MAGI2: variants seen among roughly 807,000 people sequenced by gnomAD.
MAGI2 encodes membrane associated guanylate kinase, WW and PDZ domain containing 2.
In MAGI2, 35 loss-of-function variants were observed where a neutral mutation model predicts 133.3. That is an observed-to-expected ratio of 0.26 (90% CI 0.20 to 0.35). The LOEUF is 0.35. Among genes scored for constraint, MAGI2 ranks in the 10% least tolerant of loss-of-function variants. MAGI2 has a pLI of 1.00. For missense variants in MAGI2, 1,636 were observed against 1,863.4 expected, an observed-to-expected ratio of 0.88 and a Z score of 2.25; for synonymous variants, 729 against 710.6, an observed-to-expected ratio of 1.03 and a Z score of -0.41.
At chr7:79,361,988 G>A (rs860246) in intron 1 of MAGI2, among the ~76,000 whole-genome samples, 53,752 of 151,758 alleles carry the variant, frequency 0.35, 10,762 homozygotes, top group African/African-American at 0.55. Context: ...AAAAGTCTCA[G>A]GTCAATAGTA....
At chr7:79,134,102 A>G (rs1051759501) in intron 1 of MAGI2, among the ~76,000 whole-genome samples, 2 of 152,182 alleles carry the variant, frequency 1.3e-5, no homozygotes, top group African/African-American at 4.8e-5. Context: ...CAAATGATTA[A>G]AGTTAAAATC....
chr7:78,867,819 G>A (rs960262296), intron 2 of MAGI2, among the ~76,000 whole-genome samples: 21 of 152,026 alleles, frequency 1.4e-4, no homozygotes, highest in South Asian at 4.2e-4. Context: ...CTTGGGATGC[G>A]GAGAAGGCAG....
At chr7:79,421,852 T>C (rs890218165) in intron 1 of MAGI2, among the ~76,000 whole-genome samples, 1 of 152,058 alleles carries the variant, frequency 6.6e-6, no homozygotes, top group African/African-American at 2.4e-5. Context: ...CATATGTCAT[T>C]TATAAATTTT....
intron 1 of MAGI2, among the ~76,000 whole-genome samples, chr7:79,159,297 T>C (rs947845573): frequency 1.2e-4 from 18 of 152,102 alleles, no homozygotes; most frequent in African/African-American, 4.3e-4. Flanking sequence ...GAGGATCACC[T>C]GAGGTCAGGA....
chr7:78,760,517 C>T (rs12536030), intron 2 of MAGI2, among the ~76,000 whole-genome samples: 5,355 of 152,114 alleles, frequency 0.035, 136 homozygotes, highest in Non-Finnish European at 0.047. Context: ...TATGCACCAC[C>T]GTACCTGGCT....
chr7:79,089,150 A>G (rs1272789654), intron 1 of MAGI2, among the ~76,000 whole-genome samples: 1 of 152,156 alleles, frequency 6.6e-6, no homozygotes, highest in Non-Finnish European at 1.5e-5. Context: ...AAAGGATATG[A>G]ACAGACACTT....
At chr7:78,119,557 C>CAAAAAAA (rs1166809821) in intron 20 of MAGI2, among the ~76,000 whole-genome samples, 4 of 48,916 alleles carry the variant, frequency 8.2e-5, no homozygotes, top group Admixed American at 3.1e-4. Flanking sequence ...TGAGACTCCT[C>CAAAAAAA]AAAAAAAAAA....
At chr7:78,404,101 C>T (rs1797153085) in intron 6 of MAGI2, among the ~76,000 whole-genome samples, 1 of 152,106 alleles carries the variant, frequency 6.6e-6, no homozygotes, top group Non-Finnish European at 1.5e-5. Flanking sequence ...AGGAATCCCA[C>T]TTACAAGGAT....
chr7:79,052,613 T>A (rs1327268494), intron 1 of MAGI2, among the ~76,000 whole-genome samples: 1 of 152,166 alleles, frequency 6.6e-6, no homozygotes, highest in Non-Finnish European at 1.5e-5. Context: ...CTGACAAAAC[T>A]ATGATTCCGT....
intron 1 of MAGI2, among the ~76,000 whole-genome samples, chr7:79,230,271 T>A (rs1379246061): frequency 6.6e-6 from 1 of 151,558 alleles, no homozygotes; most frequent in African/African-American, 2.4e-5. Flanking sequence ...TGTGTCTTTA[T>A]AGCAGCATGA....
At chr7:79,331,989 T>G (rs1426942950) in intron 1 of MAGI2, among the ~76,000 whole-genome samples, 1 of 152,090 alleles carries the variant, frequency 6.6e-6, no homozygotes, top group African/African-American at 2.4e-5. Flanking sequence ...CTTTGGAAAT[T>G]GGTCATCTAG....
At chr7:79,028,249 ATATATATATATATATATATGTATG>A (rs1810138308) in intron 1 of MAGI2, among the ~76,000 whole-genome samples, 1 of 28,732 alleles carries the variant, frequency 3.5e-5, no homozygotes, top group Non-Finnish European at 8.1e-5. Context: ...ATATATATAT[ATATATATATATATATATATGTATG>A]TATGTATATA....
chr7:78,836,626 CATTT>C (rs1181163285), intron 2 of MAGI2, among the ~76,000 whole-genome samples: 2 of 151,958 alleles, frequency 1.3e-5, no homozygotes, highest in Non-Finnish European at 2.9e-5. Flanking sequence ...GAGAAATCAC[CATTT>C]GTTTTACAAC....
chr7:78,625,947 C>T (rs1289652379), intron 3 of MAGI2, among the ~76,000 whole-genome samples: 1 of 152,274 alleles, frequency 6.6e-6, no homozygotes, highest in South Asian at 2.1e-4. Context: ...ATGATATTCA[C>T]TCAATGATGA....
At chr7:78,263,736 T>A (rs1793736916) in intron 9 of MAGI2, among the ~76,000 whole-genome samples, 1 of 152,094 alleles carries the variant, frequency 6.6e-6, no homozygotes, top group African/African-American at 2.4e-5. Flanking sequence ...TACCATACAC[T>A]CTAATGCCCT....
Position 78,132,619 on chromosome 7 carries a change from T to C in MAGI2, c.3203+270A>G, listed in dbSNP as rs117818431. Among the ~76,000 whole-genome samples, 3,480 of 152,348 alleles carry C rather than the reference T, an allele frequency of 0.023. 66 individuals carry two copies. The highest frequency in any genetic ancestry group is 0.036 in the Non-Finnish European group (2,464 of 68,026). On this transcript the variant is annotated intron_variant, in intron 18 of 21. Coordinates refer to ENST00000354212, the MANE Select transcript of MAGI2 (RefSeq NM_012301.4). ...TCTTCACTCTGGACTCTCTTTAACA[T>C]GCTCTTCAGCTGTTAAGCCCTACTC...
chr7:78,923,769 A>C (rs1049789784), intron 2 of MAGI2, among the ~76,000 whole-genome samples: 2 of 152,088 alleles, frequency 1.3e-5, no homozygotes, highest in Non-Finnish European at 2.9e-5. Flanking sequence ...CATTGAATCT[A>C]TAAATTACCT....
chr7:78,593,364 C>T (rs1298609185), intron 3 of MAGI2, among the ~76,000 whole-genome samples: 5 of 152,014 alleles, frequency 3.3e-5, no homozygotes, highest in South Asian at 2.1e-4. Context: ...TGCACTCCAG[C>T]CTGGGCGACA....
At chr7:78,092,963 C>T (rs966263399) in intron 20 of MAGI2, among the ~76,000 whole-genome samples, 1 of 151,748 alleles carries the variant, frequency 6.6e-6, no homozygotes, top group African/African-American at 2.4e-5. Flanking sequence ...GAAACCCCGT[C>T]TCTACTAAAG....
Sources: gnomAD v4.1 joint callset for allele counts (sites outside exome capture counted in the v4.1 genomes callset) on GRCh38, gnomAD v4.1.1 for gene constraint, MANE v1.5 for transcripts, NCBI Gene and HGNC (gene_info 2026-07-23, HGNC 2026-07-21) for gene names.